RAP2B: variants seen among roughly 807,000 people sequenced by gnomAD.
RAP2B encodes RAP2B, member of RAS oncogene family.
RAP2B carries 6 observed loss-of-function variants against 14.4 expected under a neutral mutation model. That is an observed-to-expected ratio of 0.42 (90% CI 0.23 to 0.82). RAP2B has a LOEUF of 0.82. RAP2B is among the 40% of genes least tolerant of loss of function. The pLI, the probability that RAP2B is intolerant of heterozygous loss-of-function variation, is 0.30. For missense variants in RAP2B, 137 were observed against 248.2 expected, an observed-to-expected ratio of 0.55 and a Z score of 3.01; for synonymous variants, 118 against 113.2, an observed-to-expected ratio of 1.04 and a Z score of -0.27.
rs1713635113 is a variant in RAP2B, at chr3:153,168,249, G to A, written c.*5004G>A. 1 of 167,010 alleles carries A rather than the reference G, an allele frequency of 6.0e-6. No homozygotes were observed. The highest frequency in any genetic ancestry group is 6.5e-5 in the Admixed American group (1 of 15,294). 10.3% of individuals were successfully genotyped at this position (167,010 alleles called of 1,614,324 possible). ...GAAACAATAGTAGATCTAATTACAA[G>A]TAGTGGATTGCTTACTTCAAATTTC... On this transcript the variant is annotated 3_prime_UTR_variant, in exon 1 of 1. Transcript: ENST00000323534.
In RAP2B at chr3:153,166,940, A is replaced by G. The variant is rs1328825658; in HGVS notation, c.*3695A>G. ...TGAGAAACAGAAAGCTATATGTAGC[A>G]GCTGGTCTTGAGAAGTAGAAGCATC... is the stretch of plus-strand genomic sequence containing the variant. On this transcript the variant is annotated 3_prime_UTR_variant, in exon 1 of 1. Coordinates refer to ENST00000323534, the MANE Select transcript of RAP2B (RefSeq NM_002886.4). 5 of 166,948 alleles carry G rather than the reference A, an allele frequency of 3.0e-5. No individual in the cohort carries two copies. Among genetic ancestry groups the G allele is most frequent in the African/African-American group, 9.7e-5 (4 of 41,446 alleles). The allele number at this position is 166,948 out of a possible 1,614,324, so 10.3% of individuals were successfully genotyped here. A position where few individuals can be genotyped will look rare whatever the true frequency, so the allele number is the denominator to read the frequency against.
Position 153,169,148 on chromosome 3 carries a change from C to T in RAP2B, c.*5903C>T, listed in dbSNP as rs114452951. The T allele has an allele frequency of 1.3e-5, 2 of 152,176 alleles. No homozygotes were observed. Among genetic ancestry groups the T allele is most frequent in the African/African-American group, 2.4e-5 (1 of 41,522 alleles). 9.4% of individuals were successfully genotyped at this position (152,176 alleles called of 1,614,324 possible). The stretch of plus-strand genomic sequence containing the variant: ...CTATTTACATTAAAGAAGGAAAAAA[C>T]AATGAGATGATAATTTTTTTTTTCT... On this transcript the variant is annotated 3_prime_UTR_variant, in exon 1 of 1. Transcript: ENST00000323534.
rs547543690 is a variant in RAP2B at position 153,169,151 on chromosome 3, T to G, written c.*5906T>G. On this transcript the variant is annotated 3_prime_UTR_variant, in exon 1 of 1. Coordinates refer to ENST00000323534, the MANE Select transcript of RAP2B (RefSeq NM_002886.4). ...TTTACATTAAAGAAGGAAAAAACAATGAGATGATAATTTTTTTTTTCTTTG... is the reference window on the plus strand; with the variant it reads ...TTTACATTAAAGAAGGAAAAAACAAGGAGATGATAATTTTTTTTTTCTTTG... The G allele has an allele frequency of 6.6e-6, 1 of 152,126 alleles. No individual in the cohort carries two copies. Among genetic ancestry groups the G allele is most frequent in the African/African-American group, 2.4e-5 (1 of 41,416 alleles). 9.4% of individuals were successfully genotyped at this position (152,126 alleles called of 1,614,324 possible).
rs932579735 is a variant in RAP2B, at chr3:153,167,846, C to T, written c.*4601C>T. 2.4e-5 allele frequency: 4 copies of T among 166,796 alleles called. No homozygotes were observed. Among genetic ancestry groups the T allele is most frequent in the African/African-American group, 7.2e-5 (3 of 41,444 alleles). The allele number at this position is 166,796 out of a possible 1,614,324, so 10.3% of individuals were successfully genotyped here. On this transcript the variant is annotated 3_prime_UTR_variant, in exon 1 of 1. Transcript: ENST00000323534. ...ATCAGAATCAACATTCCCCTTCTCC[C>T]CAACCTAGGGGAAAAAAAATTTGAA...
At position 153,170,567 on chromosome 3, in the gene RAP2B, C is replaced by T. The variant is rs1007561670; in HGVS notation, c.*7322C>T. On this transcript the variant is annotated 3_prime_UTR_variant, in exon 1 of 1. Coordinates refer to ENST00000323534, the MANE Select transcript of RAP2B (RefSeq NM_002886.4). Reference sequence around the variant, plus strand: ...CAATAGAGTAGATAAATTTATTGAACATTGGGCCTTTGAAAGGTATGTGGA... The same window carrying T: ...CAATAGAGTAGATAAATTTATTGAATATTGGGCCTTTGAAAGGTATGTGGA... 1 of 152,118 alleles carries T rather than the reference C, an allele frequency of 6.6e-6. No homozygotes were observed. The highest frequency in any genetic ancestry group is 2.4e-5 in the African/African-American group (1 of 41,404). The allele number at this position is 152,118 out of a possible 1,614,324, so 9.4% of individuals were successfully genotyped here.
chr3:153,162,722 G>C lies in RAP2B; in HGVS notation c.29G>C (p.Gly10Ala). 6.2e-7 allele frequency: 1 copy of C among 1,613,342 alleles called. No individual in the cohort carries two copies. Among genetic ancestry groups the C allele is most frequent in the Non-Finnish European group, 8.5e-7 (1 of 1,179,858 alleles). The stretch of plus-strand genomic sequence containing the variant: ...AGAGAGTACAAAGTGGTGGTGCTGG[G>C]CTCGGGCGGCGTGGGCAAGTCCGCG... Reference protein sequence around the residue: MREYKVVVLGSGGVGKSALT... With the variant: MREYKVVVLASGGVGKSALT... The change falls in exon 1 of 1, where the codon GGC (glycine) becomes GCC (alanine). Residue 10 changes from glycine to alanine, a missense_variant. Transcript: ENST00000323534. This position sits in a 1 kb window ranked among gnomAD's most constrained non-coding sequence, Gnocchi z 4.9.
rs187006582 is a variant in RAP2B at position 153,168,932 on chromosome 3, G to A, written c.*5687G>A. 2 of 152,108 alleles carry A rather than the reference G, an allele frequency of 1.3e-5. No homozygotes were observed. The highest frequency in any genetic ancestry group is 4.8e-5 in the African/African-American group (2 of 41,494). 9.4% of individuals were successfully genotyped at this position (152,108 alleles called of 1,614,324 possible). On this transcript the variant is annotated 3_prime_UTR_variant, in exon 1 of 1. Transcript: ENST00000323534. ...ATTTTTATCTTGGCTTTCATTTTAC[G>A]GTTATTTCTACTACTGTTAATATGG...
rs75088813 is a variant in RAP2B at position 153,165,618 on chromosome 3, T to G, written c.*2373T>G. The G allele has an allele frequency of 6.0e-6, 1 of 166,826 alleles. No homozygotes were observed. The highest frequency in any genetic ancestry group is 1.5e-5 in the Non-Finnish European group (1 of 68,048). The allele number at this position is 166,826 out of a possible 1,614,324, so 10.3% of individuals were successfully genotyped here. A position where few individuals can be genotyped will look rare whatever the true frequency, so the allele number is the denominator to read the frequency against. ...TGTTTTTGCTTTGCTTTTTTTTTTT[T>G]GCCCAAGAGGCATCTCAGTACTCCA... On this transcript the variant is annotated 3_prime_UTR_variant, in exon 1 of 1. Transcript: ENST00000323534.
In RAP2B at chr3:153,165,005, T is replaced by C. The variant is rs745761035; in HGVS notation, c.*1760T>C. 1 of 166,822 alleles carries C rather than the reference T, an allele frequency of 6.0e-6. No homozygotes were observed. Among genetic ancestry groups the C allele is most frequent in the Non-Finnish European group, 1.5e-5 (1 of 68,104 alleles). 10.3% of individuals were successfully genotyped at this position (166,822 alleles called of 1,614,324 possible). A position where few individuals can be genotyped will look rare whatever the true frequency, so the allele number is the denominator to read the frequency against. On this transcript the variant is annotated 3_prime_UTR_variant, in exon 1 of 1. Transcript: ENST00000323534. ...ATCTGACATGGAACAGTTTACCTCA[T>C]TGTAGGTAGGGAACAAGAGAACCCA...
Position 153,166,286 on chromosome 3 carries a change from A to AT in RAP2B, c.*3048dup. 1 of 166,854 alleles carries AT rather than the reference A, an allele frequency of 6.0e-6. No homozygotes were observed. 10.3% of individuals were successfully genotyped at this position (166,854 alleles called of 1,614,324 possible). On this transcript the variant is annotated 3_prime_UTR_variant, in exon 1 of 1. Coordinates refer to ENST00000323534, the MANE Select transcript of RAP2B (RefSeq NM_002886.4). ...ATTGAGAGAAATTAGGAACACTGCT[A>AT]TTTTTTTCTTAAAAATGTTTTTAAG...
rs1487671628 is a variant in RAP2B, at chr3:153,167,140, G to C, written c.*3895G>C. 1 of 167,024 alleles carries C rather than the reference G, an allele frequency of 6.0e-6. No homozygotes were observed. Among genetic ancestry groups the C allele is most frequent in the African/African-American group, 2.4e-5 (1 of 41,456 alleles). The allele number at this position is 167,024 out of a possible 1,614,324, so 10.3% of individuals were successfully genotyped here. ...AAGTTTGCTAATATACATTTTGTCT[G>C]TGAAAATATAGTAAATTTTAAAATA... is the stretch of plus-strand genomic sequence containing the variant. On this transcript the variant is annotated 3_prime_UTR_variant, in exon 1 of 1. Coordinates refer to ENST00000323534, the MANE Select transcript of RAP2B (RefSeq NM_002886.4).
Position 153,162,728 on chromosome 3 carries a change from G to C in RAP2B, c.35G>C (p.Gly12Ala). The C allele has an allele frequency of 6.2e-7, 1 of 1,613,532 alleles. No individual in the cohort carries two copies. The highest frequency in any genetic ancestry group is 8.5e-7 in the Non-Finnish European group (1 of 1,179,918). Reference protein sequence around the residue: ...REYKVVVLGSGGVGKSALTVQ... With the variant: ...REYKVVVLGSAGVGKSALTVQ... ...TACAAAGTGGTGGTGCTGGGCTCGG[G>C]CGGCGTGGGCAAGTCCGCGCTCACC... Residue 12 changes from glycine to alanine, a missense_variant, in exon 1 of 1, where the codon GGC becomes GCC. By Grantham distance (60) the Gly-to-Ala change is moderately conservative. This residue lies in a region of RAP2B where 31 missense variants were observed against 104.7 expected (regional missense o/e 0.30). Transcript: ENST00000323534. This position sits in a 1 kb window ranked among gnomAD's most constrained non-coding sequence, Gnocchi z 4.9.
rs1169988023 is a variant in RAP2B, at chr3:153,168,063, C to T, written c.*4818C>T. 1 of 166,910 alleles carries T rather than the reference C, an allele frequency of 6.0e-6. No individual in the cohort carries two copies. Among genetic ancestry groups the T allele is most frequent in the East Asian group, 1.9e-4 (1 of 5,192 alleles). 10.3% of individuals were successfully genotyped at this position (166,910 alleles called of 1,614,324 possible). A position where few individuals can be genotyped will look rare whatever the true frequency, so the allele number is the denominator to read the frequency against. ...CCAGACTTCCAGGTGTTAGTTAATT[C>T]CTTCTCATTTAGTTCTACTGTAATC... On this transcript the variant is annotated 3_prime_UTR_variant, in exon 1 of 1. Transcript: ENST00000323534.
At position 153,168,319 on chromosome 3, in the gene RAP2B, G is replaced by A. The variant is rs1420539721; in HGVS notation, c.*5074G>A. 6.0e-6 allele frequency: 1 copy of A among 167,002 alleles called. No homozygotes were observed. Among genetic ancestry groups the A allele is most frequent in the African/African-American group, 2.4e-5 (1 of 41,436 alleles). 10.3% of individuals were successfully genotyped at this position (167,002 alleles called of 1,614,324 possible). A position where few individuals can be genotyped will look rare whatever the true frequency, so the allele number is the denominator to read the frequency against. On this transcript the variant is annotated 3_prime_UTR_variant, in exon 1 of 1. Transcript: ENST00000323534. ...TTTAGTACCAGTTTATAGACTGAGG[G>A]AGTAGTAGCTACTATTTAGATGCTG... is the stretch of plus-strand genomic sequence containing the variant.
chr3:153,166,907 A>AG lies in RAP2B; in HGVS notation c.*3667dup, dbSNP rs878920738. 5 of 166,958 alleles carry AG rather than the reference A, an allele frequency of 3.0e-5. No individual in the cohort carries two copies. The South Asian group carries it at 1.0e-3, about 35-fold the overall frequency. The allele number at this position is 166,958 out of a possible 1,614,324, so 10.3% of individuals were successfully genotyped here. A position where few individuals can be genotyped will look rare whatever the true frequency, so the allele number is the denominator to read the frequency against. On this transcript the variant is annotated 3_prime_UTR_variant, in exon 1 of 1. Transcript: ENST00000323534. ...TGGGTCATATTCTAGTATTTCTCAC[A>AG]GGGGGTATGAGAAACAGAAAGCTAT...
rs112570125 is a variant in RAP2B, at chr3:153,166,518, A to C, written c.*3273A>C. 189 of 167,022 alleles carry C rather than the reference A, an allele frequency of 1.1e-3. No homozygotes were observed. Among genetic ancestry groups the C allele is most frequent in the Non-Finnish European group, 2.1e-3 (143 of 68,074 alleles). The allele number at this position is 167,022 out of a possible 1,614,324, so 10.3% of individuals were successfully genotyped here. On this transcript the variant is annotated 3_prime_UTR_variant, in exon 1 of 1. Coordinates refer to ENST00000323534, the MANE Select transcript of RAP2B (RefSeq NM_002886.4). ...GAGCAAAAGCTGACTTTTAAACTTG[A>C]CCCCTGCTGTTTTTAAACAGCTTTT...
Position 153,165,821 on chromosome 3 carries a change from C to T in RAP2B, c.*2576C>T, listed in dbSNP as rs756025367. 6.6e-5 allele frequency: 11 copies of T among 166,902 alleles called. No homozygotes were observed. The highest frequency in any genetic ancestry group is 4.6e-4 in the Admixed American group (7 of 15,274). The allele number at this position is 166,902 out of a possible 1,614,324, so 10.3% of individuals were successfully genotyped here. On this transcript the variant is annotated 3_prime_UTR_variant, in exon 1 of 1. Transcript: ENST00000323534. ...TTTTATGCCTTTGCAAAGATTCGTTCTTGTATTTGAATAAATTCAGTTGCT... is the reference window on the plus strand; with the variant it reads ...TTTTATGCCTTTGCAAAGATTCGTTTTTGTATTTGAATAAATTCAGTTGCT...
chr3:153,162,945 C>G lies in RAP2B; in HGVS notation c.252C>G (p.Leu84=). The change falls in exon 1 of 1, where the codon CTC becomes CTG. Residue 84 remains leucine, a synonymous_variant. Transcript: ENST00000323534. The surrounding 1 kb of genome is among the most constrained non-coding windows in gnomAD (Gnocchi z 4.9). ...AGGGCTTCATCCTGGTCTACAGCCT[C>G]GTCAACCAGCAGAGCTTCCAGGACA... ...NGQGFILVYS[L]VNQQSFQDIK... 1 of 1,614,152 alleles carries G rather than the reference C, an allele frequency of 6.2e-7. No homozygotes were observed. Among genetic ancestry groups the G allele is most frequent in the Non-Finnish European group, 8.5e-7 (1 of 1,180,046 alleles).
At position 153,167,183 on chromosome 3, in the gene RAP2B, T is replaced by C. The variant is rs528124632; in HGVS notation, c.*3938T>C. On this transcript the variant is annotated 3_prime_UTR_variant, in exon 1 of 1. Transcript: ENST00000323534. The stretch of plus-strand genomic sequence containing the variant: ...TTAAAATACTAATATAATGTGGTAT[T>C]CTTGATTACAGTATTTTATGCAGAC... The C allele has an allele frequency of 1.8e-4, 30 of 167,142 alleles. No homozygotes were observed. The highest frequency in any genetic ancestry group is 7.2e-4 in the African/African-American group (30 of 41,590). The allele number at this position is 167,142 out of a possible 1,614,324, so 10.4% of individuals were successfully genotyped here.
Sources: allele counts gnomAD v4.1 joint callset, GRCh38; gene constraint gnomAD v4.1.1; regional missense constraint gnomAD v4.1.1; non-coding constraint Gnocchi (gnomAD v3.1); transcripts MANE v1.5; gene names NCBI Gene and HGNC (gene_info 2026-07-23, HGNC 2026-07-21).